The following CPQ variants were observed in gnomAD, a reference collection of about 807,000 sequenced individuals.
CPQ encodes the protein carboxypeptidase Q.
In CPQ, 37 loss-of-function variants were observed where a neutral mutation model predicts 45.7. The observed-to-expected ratio is 0.81, with a 90% CI of 0.62 to 1.07. CPQ has a LOEUF of 1.07. Among genes scored for constraint, CPQ ranks in the 50% least tolerant of loss-of-function variants. The pLI is 0.00. For synonymous variants in CPQ, 186 were observed against 205.8 expected (o/e 0.90, Z 0.82); for missense variants, 537 against 572.9 (o/e 0.94, Z 0.64).
At chr8:97,072,438 A>C (rs1403914191) in intron 7 of CPQ, among the ~76,000 whole-genome samples, 4 of 152,116 alleles carry the variant, frequency 2.6e-5, no homozygotes, top group African/African-American at 9.7e-5. Context: ...TACTCATGTA[A>C]CCAAACACCA....
chr8:96,750,567 T>TTTTGATTCC (rs1305508834), intron 1 of CPQ, among the ~76,000 whole-genome samples: 1 of 152,006 alleles, frequency 6.6e-6, no homozygotes, highest in Non-Finnish European at 1.5e-5. Flanking sequence ...GATAGCTGAT[T>TTTTGATTCC]TTTGATTCCT....
Position 96,879,946 on chromosome 8 carries a change from C to G in CPQ, c.790C>G (p.Pro264Ala), listed in dbSNP as rs771260509. 11 of 1,613,848 alleles carry G rather than the reference C, an allele frequency of 6.8e-6. No homozygotes were observed. The highest frequency in any genetic ancestry group is 9.3e-6 in the Non-Finnish European group (11 of 1,179,966). Residue 264 changes from proline to alanine, a missense_variant, in exon 4 of 8, where the codon CCA becomes GCA. Pro to Ala is a conservative substitution (Grantham distance 27). Coordinates refer to ENST00000220763, the MANE Select transcript of CPQ (RefSeq NM_016134.4). ...GCTAAAGATGGGGGCAAAGACCTACCCAGATACTGATTCCTTCAACACTGT... is the reference window on the plus strand; with the variant it reads ...GCTAAAGATGGGGGCAAAGACCTACGCAGATACTGATTCCTTCAACACTGT... ...IQLKMGAKTY[P>A]DTDSFNTVAE...
At chr8:97,014,901 A>T (rs1266322464) in intron 5 of CPQ, among the ~76,000 whole-genome samples, 1 of 152,168 alleles carries the variant, frequency 6.6e-6, no homozygotes, top group Non-Finnish European at 1.5e-5. Context: ...TGGTTCCTGC[A>T]TTATATTAAA....
intron 1 of CPQ, among the ~76,000 whole-genome samples, chr8:96,691,183 G>A (rs1809299612): frequency 6.6e-6 from 1 of 152,186 alleles, no homozygotes; most frequent in Admixed American, 6.5e-5. Context: ...TCTAGGGGAA[G>A]AATTCTTCCT....
intron 7 of CPQ, among the ~76,000 whole-genome samples, chr8:97,088,440 T>C (rs1415138102): frequency 6.6e-6 from 1 of 152,220 alleles, no homozygotes; most frequent in Non-Finnish European, 1.5e-5. Flanking sequence ...AATGAGACTT[T>C]TCTAAAAAGA....
chr8:96,779,994 T>C (rs916071923), intron 1 of CPQ, among the ~76,000 whole-genome samples: 7 of 152,214 alleles, frequency 4.6e-5, no homozygotes, highest in African/African-American at 1.2e-4. Context: ...AACTTTTTAC[T>C]CTTACAGCTT....
At chr8:96,987,006 G>C (rs1013995812) in intron 5 of CPQ, among the ~76,000 whole-genome samples, 2 of 152,114 alleles carry the variant, frequency 1.3e-5, no homozygotes, top group African/African-American at 2.4e-5. Flanking sequence ...GCAGGGAGTA[G>C]GTTCCTGAAT....
intron 5 of CPQ, among the ~76,000 whole-genome samples, chr8:96,988,587 T>G (rs534238867): frequency 6.6e-6 from 1 of 152,338 alleles, no homozygotes; most frequent in Non-Finnish European, 1.5e-5. Context: ...CCTCGCAAAC[T>G]TAGAAAGATT....
Position 96,879,856 on chromosome 8 carries a change from A to G in CPQ, c.700A>G (p.Ile234Val), listed in dbSNP as rs993064538. 2.5e-6 allele frequency: 4 copies of G among 1,613,980 alleles called. No individual in the cohort carries two copies. The highest frequency in any genetic ancestry group is 2.5e-6 in the Non-Finnish European group (3 of 1,180,000). ...DGVPKIPTACITVEDAEMMSR... is the reference protein window; with the variant it reads ...DGVPKIPTACVTVEDAEMMSR... Reference sequence around the variant, plus strand: ...CGTGCCCAAGATTCCAACAGCCTGTATTACGGTGGAAGATGCAGAAATGAT... The same window carrying G: ...CGTGCCCAAGATTCCAACAGCCTGTGTTACGGTGGAAGATGCAGAAATGAT... Residue 234 changes from isoleucine to valine, a missense_variant, in exon 4 of 8, where the codon ATT (isoleucine) becomes GTT (valine). Physicochemically the swap from Ile to Val is conservative, Grantham distance 29 (BLOSUM62 3). Coordinates refer to ENST00000220763, the MANE Select transcript of CPQ (RefSeq NM_016134.4).
At chr8:96,803,226 C>T (rs1423685968) in intron 2 of CPQ, among the ~76,000 whole-genome samples, 1 of 152,202 alleles carries the variant, frequency 6.6e-6, no homozygotes, top group Admixed American at 6.5e-5. Context: ...AGAGTTATTC[C>T]AGCCTTCTTT....
intron 1 of CPQ, among the ~76,000 whole-genome samples, chr8:96,779,727 C>G (rs1272743274): frequency 6.6e-6 from 1 of 152,122 alleles, no homozygotes; most frequent in African/African-American, 2.4e-5. Flanking sequence ...GTGGTTAGTG[C>G]TAATGAATAG....
chr8:97,067,108 A>G (rs1369456693), intron 7 of CPQ, among the ~76,000 whole-genome samples: 1 of 151,282 alleles, frequency 6.6e-6, no homozygotes, highest in Non-Finnish European at 1.5e-5. Context: ...TGTATTTTTT[A>G]CAGAGACAGA....
intron 7 of CPQ, among the ~76,000 whole-genome samples, chr8:97,107,308 G>T (rs904873170): frequency 4.6e-5 from 7 of 152,194 alleles, no homozygotes; most frequent in Non-Finnish European, 7.3e-5. Context: ...TTGGACTTTG[G>T]AGTTCTGTTC....
At chr8:97,099,123 T>C (rs1811258283) in intron 7 of CPQ, among the ~76,000 whole-genome samples, 2 of 122,720 alleles carry the variant, frequency 1.6e-5, no homozygotes, top group African/African-American at 3.3e-5. Flanking sequence ...CTCTTTTTTT[T>C]TTTTTTTTTT....
chr8:97,019,427 A>G lies in CPQ; in HGVS notation c.962-9976A>G, dbSNP rs550174218. Among the ~76,000 whole-genome samples the G allele has an allele frequency of 3.5e-4, 54 of 152,354 alleles. 1 individual carries two copies. The highest frequency in any genetic ancestry group is 5.0e-4 in the Non-Finnish European group (34 of 68,032). On this transcript the variant is annotated intron_variant, in intron 5 of 7. Coordinates refer to ENST00000220763, the MANE Select transcript of CPQ (RefSeq NM_016134.4). ...ATGGCCTAAATGCTCCACTTAAAAG[A>G]TACAGAAATGCAGAATGGATAAGAA... is the stretch of plus-strand genomic sequence containing the variant.
chr8:96,900,879 C>T (rs1812504230), intron 4 of CPQ, among the ~76,000 whole-genome samples: 1 of 152,084 alleles, frequency 6.6e-6, no homozygotes, highest in Non-Finnish European at 1.5e-5. Flanking sequence ...CAAATTATTC[C>T]TGTTTTACCC....
intron 1 of CPQ, among the ~76,000 whole-genome samples, chr8:96,735,865 AG>A (rs1809975591): frequency 6.6e-6 from 1 of 152,126 alleles, no homozygotes. Context: ...CCACACAAAG[AG>A]GATGATTTAG....
chr8:96,777,918 CAG>C (rs1468008802), intron 1 of CPQ, among the ~76,000 whole-genome samples: 5 of 150,112 alleles, frequency 3.3e-5, no homozygotes, highest in Non-Finnish European at 4.4e-5. Flanking sequence ...TTAGTAGAGA[CAG>C]GGTTTCACCG....
chr8:96,654,360 G>C (rs973644745), intron 1 of CPQ, among the ~76,000 whole-genome samples: 1 of 152,162 alleles, frequency 6.6e-6, no homozygotes, highest in Non-Finnish European at 1.5e-5. Flanking sequence ...GTTTTCTCCT[G>C]CAGGAACTTA....
Sources: gnomAD v4.1 joint callset for allele counts (sites outside exome capture counted in the v4.1 genomes callset) on GRCh38, gnomAD v4.1.1 for gene constraint, MANE v1.5 for transcripts, NCBI Gene and HGNC (gene_info 2026-07-23, HGNC 2026-07-21) for gene names.